The following OTUB2 variants were observed in gnomAD, a reference collection of about 807,000 sequenced individuals.
The protein encoded by OTUB2 is ubiquitin thioesterase OTUB2.
Under a neutral mutation model 25.1 loss-of-function variants are expected in OTUB2, and 21 were observed. That is an observed-to-expected ratio of 0.84 (90% CI 0.59 to 1.21). The LOEUF is 1.21. OTUB2 is among the 50% of genes most tolerant of loss of function. OTUB2 has a pLI of 0.00. For synonymous variants in OTUB2, 122 were observed against 122.8 expected, an observed-to-expected ratio of 0.99 and a Z score of 0.04; for missense variants, 283 against 298.0, an observed-to-expected ratio of 0.95 and a Z score of 0.37.
At position 94,048,364 on chromosome 14, in the gene OTUB2, CAGAA is replaced by C. The variant is rs1158585619; in HGVS notation, c.*2446_*2449del. The C allele has an allele frequency of 6.6e-6, 1 of 152,216 alleles. No individual in the cohort carries two copies. The highest frequency in any genetic ancestry group is 2.4e-5 in the African/African-American group (1 of 41,464). 9.4% of individuals were successfully genotyped at this position (152,216 alleles called of 1,614,324 possible). On this transcript the variant is annotated 3_prime_UTR_variant, in exon 6 of 6. Transcript: ENST00000203664. Reference sequence around the variant, plus strand: ...TTAAATCAATGGGAACAATTAGCAACAGAAAGAGCACAGTCCCTGCTTTTGACTG... The same window carrying C: ...TTAAATCAATGGGAACAATTAGCAACAGAGCACAGTCCCTGCTTTTGACTG...
At chr14:94,032,632 A>G (rs2141408225) in intron 1 of OTUB2, among the ~76,000 whole-genome samples, 1 of 152,314 alleles carries the variant, frequency 6.6e-6, no homozygotes, top group Non-Finnish European at 1.5e-5. Context: ...CTGTTGTGTG[A>G]ATGTACTTAA....
At position 94,048,524 on chromosome 14, in the gene OTUB2, T is replaced by C. The variant is rs139217936; in HGVS notation, c.*2602T>C. ...CCCTGAGCCCCAATTCCCAAGTTTG[T>C]GAAATGGCAACAATACCTATGTGTC... On this transcript the variant is annotated 3_prime_UTR_variant, in exon 6 of 6. Transcript: ENST00000203664. 2.6e-5 allele frequency: 4 copies of C among 152,344 alleles called. No homozygotes were observed. In the East Asian group the frequency reaches 5.8e-4, roughly 22 times the overall value. 9.4% of individuals were successfully genotyped at this position (152,344 alleles called of 1,614,324 possible).
intron 1 of OTUB2, among the ~76,000 whole-genome samples, chr14:94,035,206 A>AC (rs1487619568): frequency 1.4e-5 from 2 of 141,904 alleles, no homozygotes; most frequent in Admixed American, 7.1e-5. Context: ...CCTTCTTCCC[A>AC]CCCCCCAAGT....
chr14:94,034,073 T>C (rs1000901320), intron 1 of OTUB2, among the ~76,000 whole-genome samples: 6 of 152,228 alleles, frequency 3.9e-5, no homozygotes, highest in African/African-American at 1.4e-4. Flanking sequence ...GAAGAGAGAC[T>C]AGCAAAGTAG....
At position 94,046,029 on chromosome 14, in the gene OTUB2, T is replaced by C; in HGVS notation, c.*107T>C. 1.5e-6 allele frequency: 2 copies of C among 1,299,806 alleles called. No homozygotes were observed. Among genetic ancestry groups the C allele is most frequent in the East Asian group, 2.5e-5 (1 of 40,296 alleles). 80.5% of individuals were successfully genotyped at this position (1,299,806 alleles called of 1,614,324 possible). A position where few individuals can be genotyped will look rare whatever the true frequency, so the allele number is the denominator to read the frequency against. On this transcript the variant is annotated 3_prime_UTR_variant, in exon 6 of 6. Transcript: ENST00000203664. ...AGCAATTTAGACTGTAGCAAGAAAA[T>C]GTGCAGCCTTTTGGGCAAAGCCCCT... is the stretch of plus-strand genomic sequence containing the variant.
At position 94,045,764 on chromosome 14, in the gene OTUB2, T is replaced by C. The variant is rs755807886; in HGVS notation, c.547T>C (p.Leu183=). Residue 183 remains leucine, a synonymous_variant, in exon 6 of 6, where the codon TTG becomes CTG. Transcript: ENST00000203664. ...TECDHIQITA[L]SQALSIALQV... Reference sequence around the variant, plus strand: ...GTGTGACCACATCCAGATCACGGCGTTGTCGCAGGCCCTGAGCATTGCCCT... The same window carrying C: ...GTGTGACCACATCCAGATCACGGCGCTGTCGCAGGCCCTGAGCATTGCCCT... The C allele has an allele frequency of 1.2e-6, 2 of 1,614,188 alleles. No individual in the cohort carries two copies. The highest frequency in any genetic ancestry group is 3.3e-5 in the Admixed American group (2 of 60,030).
chr14:94,029,645 C>T (rs1268149548), intron 1 of OTUB2, among the ~76,000 whole-genome samples: 12 of 152,200 alleles, frequency 7.9e-5, no homozygotes, highest in Non-Finnish European at 4.4e-5. Flanking sequence ...AGATCCCATT[C>T]TAAGGTACCA....
intron 1 of OTUB2, among the ~76,000 whole-genome samples, chr14:94,028,522 G>A (rs1884904925): frequency 6.6e-6 from 1 of 152,232 alleles, no homozygotes; most frequent in African/African-American, 2.4e-5. Flanking sequence ...AATAGCTAGG[G>A]TTCTCGTGCA....
intron 1 of OTUB2, among the ~76,000 whole-genome samples, chr14:94,027,547 C>A (rs1475378689): frequency 1.3e-5 from 2 of 152,242 alleles, no homozygotes; most frequent in African/African-American, 4.8e-5. Flanking sequence ...ACATCTGTGT[C>A]ATGGGAACCA....
chr14:94,044,587 T>A lies in OTUB2; in HGVS notation c.305T>A (p.Phe102Tyr). 6.2e-7 allele frequency: 1 copy of A among 1,610,814 alleles called. No homozygotes were observed. The change falls in exon 5 of 6, where the codon TTT (phenylalanine) becomes TAT (tyrosine). Residue 102 changes from phenylalanine to tyrosine, a missense_variant and splice_region_variant. Transcript: ENST00000203664. ...EHKFRNFFNA[F>Y]YSVVELVEKD... ...TAGCTGAGGGCCGGGCGGGCGCAGTTTTACAGTGTGGTGGAACTGGTAGAG... is the reference window on the plus strand; with the variant it reads ...TAGCTGAGGGCCGGGCGGGCGCAGTATTACAGTGTGGTGGAACTGGTAGAG...
At chr14:94,032,348 A>T (rs1028794024) in intron 1 of OTUB2, among the ~76,000 whole-genome samples, 24 of 152,372 alleles carry the variant, frequency 1.6e-4, no homozygotes, top group African/African-American at 5.8e-4. Context: ...TCTATAGAAT[A>T]GTATTATGCA....
At chr14:94,026,593 C>T (rs1311722329) in intron 1 of OTUB2, 53 bp downstream of exon 1, 3 of 408,410 alleles carry the variant, frequency 7.3e-6, no homozygotes, top group Admixed American at 6.0e-5. Context: ...GCGCGGTGGG[C>T]GGGGTCGCTG....
intron 1 of OTUB2, 62 bp from the exon 2 acceptor site, chr14:94,037,318 C>T (rs1311365025): frequency 1.7e-5 from 21 of 1,229,718 alleles, no homozygotes; most frequent in Middle Eastern, 1.9e-4. Flanking sequence ...GCCACCAGCT[C>T]GGGGAGTCCC....
Position 94,048,612 on chromosome 14 carries a change from C to T in OTUB2, c.*2690C>T, listed in dbSNP as rs1273715903. On this transcript the variant is annotated 3_prime_UTR_variant, in exon 6 of 6. Transcript: ENST00000203664. ...GTGAAAATAGCTATTATACCTGACACACTCATCGTATGGGCTCTGCAAAGG... is the reference window on the plus strand; with the variant it reads ...GTGAAAATAGCTATTATACCTGACATACTCATCGTATGGGCTCTGCAAAGG... 1 of 152,240 alleles carries T rather than the reference C, an allele frequency of 6.6e-6. No individual in the cohort carries two copies. The highest frequency in any genetic ancestry group is 2.4e-5 in the African/African-American group (1 of 41,462). 9.4% of individuals were successfully genotyped at this position (152,240 alleles called of 1,614,324 possible).
intron 2 of OTUB2, among the ~76,000 whole-genome samples, chr14:94,037,877 C>T (rs547213690): frequency 7.2e-5 from 11 of 152,366 alleles, no homozygotes; most frequent in African/African-American, 2.4e-4. Flanking sequence ...TTCATAACTG[C>T]TGTGCTGGGA....
rs1018726695 is a variant in OTUB2 at position 94,044,794 on chromosome 14, G to A, written c.498+14G>A. On this transcript the variant is annotated intron_variant, in intron 5 of 5. Coordinates refer to ENST00000203664, the MANE Select transcript of OTUB2 (RefSeq NM_023112.4). ...TTCTGCACTCACGTAGGTGCTTGGG[G>A]TCTCAGCCCCAGCCCTGGGCTCTGC... 6.2e-7 allele frequency: 1 copy of A among 1,603,048 alleles called. No homozygotes were observed. The highest frequency in any genetic ancestry group is 8.5e-7 in the Non-Finnish European group (1 of 1,175,356).
chr14:94,043,027 G>A (rs1885193355), intron 3 of OTUB2, among the ~76,000 whole-genome samples: 1 of 152,202 alleles, frequency 6.6e-6, no homozygotes, highest in Non-Finnish European at 1.5e-5. Flanking sequence ...GCCAGGACCA[G>A]GCAGGGGCAA....
intron 1 of OTUB2, among the ~76,000 whole-genome samples, chr14:94,028,556 C>T (rs760200605): frequency 3.5e-4 from 54 of 152,350 alleles, no homozygotes; most frequent in Non-Finnish European, 5.6e-4. Flanking sequence ...TCATGTTTGA[C>T]GAATGAATGA....
chr14:94,039,706 G>T (rs1885123527), intron 3 of OTUB2, among the ~76,000 whole-genome samples: 1 of 152,148 alleles, frequency 6.6e-6, no homozygotes, highest in East Asian at 1.9e-4. Context: ...GACTGCTTTT[G>T]TCACTGGCTC....
Sources: allele counts gnomAD v4.1 joint callset (sites outside exome capture counted in the v4.1 genomes callset), GRCh38; gene constraint gnomAD v4.1.1; transcripts MANE v1.5; gene names NCBI Gene and HGNC (gene_info 2026-07-23, HGNC 2026-07-21).